Variants in SVIL observed in about 807,000 individuals in gnomAD.
SVIL encodes supervillin.
Under a neutral mutation model 240.4 loss-of-function variants are expected in SVIL, and 101 were observed. That is an observed-to-expected ratio of 0.42 (90% CI 0.36 to 0.50). The LOEUF (loss-of-function observed/expected upper bound fraction) is 0.50, where lower values mean the gene tolerates loss of function less well. SVIL is among the 20% of genes least tolerant of loss of function. SVIL has a pLI of 0.01. For synonymous variants in SVIL, 999 were observed against 1,100.0 expected (o/e 0.91, Z 1.82); for missense variants, 2,512 against 2,818.7 (o/e 0.89, Z 2.46).
intron 7 of SVIL, among the ~76,000 whole-genome samples, chr10:29,533,706 G>A (rs113514340): frequency 8.5e-4 from 129 of 152,282 alleles, no homozygotes; most frequent in African/African-American, 3.0e-3. Flanking sequence ...GGGGTCAGAT[G>A]CTATCCTGGG....
At position 29,494,922 on chromosome 10, in the gene SVIL, T is replaced by C. The variant is rs1948292360; in HGVS notation, c.3833A>G (p.Asn1278Ser). The C allele has an allele frequency of 1.9e-6, 3 of 1,613,828 alleles. No individual in the cohort carries two copies. Among genetic ancestry groups the C allele is most frequent in the Non-Finnish European group, 2.5e-6 (3 of 1,180,008 alleles). The change falls in exon 20 of 38, where the codon AAT becomes AGT. Residue 1278 changes from asparagine to serine, a missense_variant. Physicochemically the swap from Asn to Ser is conservative, Grantham distance 46 (BLOSUM62 1). Transcript: ENST00000355867. ...DRLETFLRRLNNKVGGMHETV... is the reference protein window; with the variant it reads ...DRLETFLRRLSNKVGGMHETV... ...TGGCTTCCAGTAGGTACCTTTGTTATTCAGCCTTCTTAGAAAGGTTTCCAG... is the reference window on the plus strand; with the variant it reads ...TGGCTTCCAGTAGGTACCTTTGTTACTCAGCCTTCTTAGAAAGGTTTCCAG...
At chr10:29,665,108 T>G (rs1258452191) in intron 2 of SVIL, among the ~76,000 whole-genome samples, 2 of 151,336 alleles carry the variant, frequency 1.3e-5, no homozygotes, top group Non-Finnish European at 2.9e-5. Context: ...AAGCCTGTAG[T>G]GCCAGCTACT....
Position 29,463,628 on chromosome 10 carries a change from G to A in SVIL, c.6141C>T (p.Phe2047=), listed in dbSNP as rs144352488. 175 of 1,613,910 alleles carry A rather than the reference G, an allele frequency of 1.1e-4. No individual in the cohort carries two copies. The Middle Eastern group carries it at 1.6e-3, about 15-fold the overall frequency. ...DLYSAPQPAL[F]LVDNHHEVYL... ...ACACCTCGTGGTGATTGTCAACAAG[G>A]AAAAGTGCTGTGAGGGCAGGGACAG... The change falls in exon 35 of 38, where the codon TTC becomes TTT. Residue 2047 remains phenylalanine, a synonymous_variant. Transcript: ENST00000355867.
At chr10:29,519,175 G>A (rs1436928841) in intron 16 of SVIL, among the ~76,000 whole-genome samples, 6 of 152,236 alleles carry the variant, frequency 3.9e-5, no homozygotes, top group Non-Finnish European at 8.8e-5. Flanking sequence ...GAAAGAAGGT[G>A]TGTCTTTCTA....
intron 1 of SVIL, among the ~76,000 whole-genome samples, chr10:29,725,863 A>C (rs887634225): frequency 6.6e-6 from 1 of 152,210 alleles, no homozygotes; most frequent in Non-Finnish European, 1.5e-5. Context: ...CCCATGGTAC[A>C]TCCTTTATAG....
rs61441935 is a variant in SVIL, at chr10:29,582,731, C to CTAATAATAATAATAA, written c.-200-13434_-200-13420dup. Among the ~76,000 whole-genome samples, 807 of 142,798 alleles carry CTAATAATAATAATAA rather than the reference C, an allele frequency of 5.7e-3. 3 individuals are homozygous for CTAATAATAATAATAA. The highest frequency in any genetic ancestry group is 0.014 in the South Asian group (62 of 4,360). 93.7% of individuals were successfully genotyped at this position (142,798 alleles called of 152,430 possible). On this transcript the variant is annotated intron_variant, in intron 1 of 37. Coordinates refer to ENST00000355867, the MANE Select transcript of SVIL (RefSeq NM_021738.3). ...TGGGTGACAGAGTGAGACCCTGTCT[C>CTAATAATAATAATAA]TAATAATAATAATAATAATAATAAT...
At chr10:29,648,843 G>A (rs548549500) in intron 3 of SVIL, among the ~76,000 whole-genome samples, 1 of 152,100 alleles carries the variant, frequency 6.6e-6, no homozygotes, top group South Asian at 2.1e-4. Context: ...CTAAAAGCAG[G>A]GTTTGTTTCT....
At chr10:29,680,654 C>T (rs183912538) in intron 2 of SVIL, among the ~76,000 whole-genome samples, 32 of 152,338 alleles carry the variant, frequency 2.1e-4, no homozygotes, top group African/African-American at 7.5e-4. Context: ...CACAGTGGCT[C>T]ACGCCTGTAA....
At chr10:29,519,557 T>C (rs998404) in intron 16 of SVIL, among the ~76,000 whole-genome samples, 66,658 of 152,096 alleles carry the variant, frequency 0.44, 15,313 homozygotes, top group African/African-American at 0.56. Context: ...TAAAGTCTCA[T>C]GGAAAAGCTA....
At chr10:29,585,980 C>A (rs1330162011) in intron 1 of SVIL, among the ~76,000 whole-genome samples, 4 of 152,240 alleles carry the variant, frequency 2.6e-5, no homozygotes, top group Non-Finnish European at 5.9e-5. Context: ...GGTCCATGAG[C>A]CATAACCCAT....
At chr10:29,596,540 C>A (rs1052664073) in intron 1 of SVIL, among the ~76,000 whole-genome samples, 1 of 151,972 alleles carries the variant, frequency 6.6e-6, no homozygotes, top group Non-Finnish European at 1.5e-5. Flanking sequence ...GTAAGCCATC[C>A]AGCAATAGAG....
intron 6 of SVIL, among the ~76,000 whole-genome samples, chr10:29,547,242 A>G (rs1172676160): frequency 6.6e-6 from 1 of 152,192 alleles, no homozygotes; most frequent in Non-Finnish European, 1.5e-5. Context: ...TGCTGTCATT[A>G]CAATGTAAAT....
Position 29,523,950 on chromosome 10 carries a change from T to C in SVIL, c.2664A>G (p.Pro888=), listed in dbSNP as rs1372134073. The part of the protein sequence containing the change: ...SVSTVASTVA[P]MYAGDLRTKP... ...TTGTGCGAAGATCTCCGGCATACAT[T>C]GGAGCAACCGTGGATGCTACGGTAG... Residue 888 remains proline, a synonymous_variant, in exon 15 of 38, where the codon CCA becomes CCG. Transcript: ENST00000355867. 6.2e-7 allele frequency: 1 copy of C among 1,614,164 alleles called. No individual in the cohort carries two copies. Among genetic ancestry groups the C allele is most frequent in the South Asian group, 1.1e-5 (1 of 91,084 alleles).
At chr10:29,649,620 A>G (rs530923086) in intron 3 of SVIL, among the ~76,000 whole-genome samples, 7 of 152,184 alleles carry the variant, frequency 4.6e-5, no homozygotes, top group African/African-American at 1.7e-4. Flanking sequence ...TTGAAGCTCA[A>G]ATATAACTTC....
chr10:29,600,303 G>C (rs1430162937), intron 1 of SVIL, among the ~76,000 whole-genome samples: 3 of 152,200 alleles, frequency 2.0e-5, no homozygotes, highest in Non-Finnish European at 4.4e-5. Flanking sequence ...GGGAAGGTTG[G>C]AGGTGTCTTT....
chr10:29,629,702 G>T (rs115568831), intron 1 of SVIL, among the ~76,000 whole-genome samples: 1 of 138,742 alleles, frequency 7.2e-6, no homozygotes, highest in Non-Finnish European at 1.6e-5. Context: ...TAGAGTCCGG[G>T]CGTGGTGGCT....
Position 29,569,238 on chromosome 10 carries a change from A to C in SVIL, c.-143+17T>G. 1 of 984,272 alleles carries C rather than the reference A, an allele frequency of 1.0e-6. No homozygotes were observed. Among genetic ancestry groups the C allele is most frequent in the Non-Finnish European group, 1.2e-6 (1 of 828,442 alleles). The allele number at this position is 984,272 out of a possible 1,614,324, so 61.0% of individuals were successfully genotyped here. A position where few individuals can be genotyped will look rare whatever the true frequency, so the allele number is the denominator to read the frequency against. The stretch of plus-strand genomic sequence containing the variant: ...AATCTTCAAAATTTCACAGTTGTTG[A>C]GACAAGGCCACTTTACCTTGAAACT... On this transcript the variant is annotated intron_variant, in intron 2 of 37. Coordinates refer to ENST00000355867, the MANE Select transcript of SVIL (RefSeq NM_021738.3).
chr10:29,673,580 G>GGAGA (rs67240015), intron 2 of SVIL, among the ~76,000 whole-genome samples: 160 of 142,706 alleles, frequency 1.1e-3, no homozygotes, highest in African/African-American at 3.3e-3. Flanking sequence ...GCATTAGGGG[G>GGAGA]GAGAGAGAGA....
intron 1 of SVIL, among the ~76,000 whole-genome samples, chr10:29,591,066 G>A (rs1460410947): frequency 6.6e-6 from 1 of 152,182 alleles, no homozygotes; most frequent in Non-Finnish European, 1.5e-5. Flanking sequence ...CCGGTTCTGG[G>A]GCTGTGGATA....
Sources: allele counts gnomAD v4.1 joint callset (sites outside exome capture counted in the v4.1 genomes callset), GRCh38; gene constraint gnomAD v4.1.1; transcripts MANE v1.5; gene names NCBI Gene and HGNC (gene_info 2026-07-23, HGNC 2026-07-21).